Variants in ARFGEF1 observed in about 807,000 individuals in gnomAD.
ARFGEF1 encodes the protein brefeldin A-inhibited guanine nucleotide-exchange protein 1.
Under a neutral mutation model 231.0 loss-of-function variants are expected in ARFGEF1, and 42 were observed. That is an observed-to-expected ratio of 0.18 (90% CI 0.14 to 0.24). The LOEUF (loss-of-function observed/expected upper bound fraction) is 0.24, where lower values mean the gene tolerates loss of function less well. Among genes scored for constraint, ARFGEF1 ranks in the 10% least tolerant of loss-of-function variants. ARFGEF1 has a pLI of 1.00. For missense variants in ARFGEF1, 1,345 were observed against 2,192.0 expected, an observed-to-expected ratio of 0.61 and a Z score of 7.72; for synonymous variants, 710 against 732.3, an observed-to-expected ratio of 0.97 and a Z score of 0.49.
intron 1 of ARFGEF1, among the ~76,000 whole-genome samples, chr8:67,331,539 G>A (rs1256714438): frequency 6.6e-6 from 1 of 152,162 alleles, no homozygotes; most frequent in African/African-American, 2.4e-5. Flanking sequence ...AAAGAACTGT[G>A]AGAAATAAAT....
At chr8:67,343,088 A>ACCCC in intron 1 of ARFGEF1, 76 bp downstream of exon 1, 3 of 399,152 alleles carry the variant, frequency 7.5e-6, no homozygotes, top group Non-Finnish European at 1.4e-5. Context: ...GCCCCGGGCG[A>ACCCC]CCCCACCCCC....
At chr8:67,261,704 C>A (rs1385568684) in intron 14 of ARFGEF1, among the ~76,000 whole-genome samples, 1 of 152,198 alleles carries the variant, frequency 6.6e-6, no homozygotes, top group Non-Finnish European at 1.5e-5. Flanking sequence ...TGCAGTCTCA[C>A]TATGCTGTCC....
chr8:67,213,832 C>G (rs542043500), intron 33 of ARFGEF1, among the ~76,000 whole-genome samples: 1 of 152,352 alleles, frequency 6.6e-6, no homozygotes, highest in East Asian at 1.9e-4. Flanking sequence ...AGCCTGCCTG[C>G]CTGCCCTACA....
At chr8:67,180,957 T>C (rs1004778976) in intron 5 of ARFGEF1, among the ~76,000 whole-genome samples, 4 of 152,112 alleles carry the variant, frequency 2.6e-5, no homozygotes, top group African/African-American at 9.7e-5. Flanking sequence ...TACATATTAG[T>C]TGTATTTCAG....
intron 29 of ARFGEF1, among the ~76,000 whole-genome samples, chr8:67,222,595 T>G (rs1330712086): frequency 1.3e-5 from 2 of 152,030 alleles, no homozygotes; most frequent in African/African-American, 4.8e-5. Flanking sequence ...CGATTACAGG[T>G]GCGCACCACC....
rs1255969731 is a variant in ARFGEF1, at chr8:67,244,262, A to C, written c.2851-3972T>G. Among the ~76,000 whole-genome samples the C allele has an allele frequency of 2.7e-3, 68 of 25,632 alleles. 14 individuals carry two copies. Among genetic ancestry groups the C allele is most frequent in the Non-Finnish European group, 4.2e-3 (60 of 14,196 alleles). The allele number at this position is 25,632 out of a possible 152,430, so 16.8% of individuals were successfully genotyped here. On this transcript the variant is annotated intron_variant, in intron 19 of 38. Coordinates refer to ENST00000262215, the MANE Select transcript of ARFGEF1 (RefSeq NM_006421.5). The stretch of plus-strand genomic sequence containing the variant: ...CACCTCAAAAAAAAAAAAAAAAAAA[A>C]AAAAAACATTCGACTACTGAGTCTC...
At chr8:67,302,905 T>TAAAAAAAAAAAAAAAAAAA (rs1563902346) in intron 1 of ARFGEF1, among the ~76,000 whole-genome samples, 3 of 100,234 alleles carry the variant, frequency 3.0e-5, no homozygotes, top group Admixed American at 1.1e-4. Flanking sequence ...ACCCCATCTC[T>TAAAAAAAAAAAAAAAAAAA]TAAAAAAAAA....
intron 1 of ARFGEF1, among the ~76,000 whole-genome samples, chr8:67,337,666 C>T (rs1252824738): frequency 1.3e-5 from 2 of 152,108 alleles, no homozygotes; most frequent in East Asian, 3.8e-4. Flanking sequence ...CTATTTCATC[C>T]AAGTATCTGA....
intron 34 of ARFGEF1, among the ~76,000 whole-genome samples, chr8:67,208,541 A>T (rs997761651): frequency 6.6e-6 from 1 of 151,064 alleles, no homozygotes; most frequent in Admixed American, 6.6e-5. Flanking sequence ...GAGGCAGGAG[A>T]ATCGCTTGAA....
At position 67,265,938 on chromosome 8, in the gene ARFGEF1, CG is replaced by C. The variant is rs745917421; in HGVS notation, c.2123+67del. ...TACTCATTATAAGGTGATAAACCCACGGCAGGGGTGGCACTATACTGGCAGA... is the reference window on the plus strand; with the variant it reads ...TACTCATTATAAGGTGATAAACCCACGCAGGGGTGGCACTATACTGGCAGA... On this transcript the variant is annotated intron_variant, in intron 14 of 38. Coordinates refer to ENST00000262215, the MANE Select transcript of ARFGEF1 (RefSeq NM_006421.5). The C allele has an allele frequency of 1.9e-4, 278 of 1,467,688 alleles. 4 individuals carry two copies. The South Asian group carries it at 2.8e-3, about 15-fold the overall frequency. 90.9% of individuals were successfully genotyped at this position (1,467,688 alleles called of 1,614,324 possible). A position where few individuals can be genotyped will look rare whatever the true frequency, so the allele number is the denominator to read the frequency against.
intron 38 of ARFGEF1, 181 bp downstream of exon 38, chr8:67,200,215 G>GGA: frequency 1.5e-6 from 1 of 663,158 alleles, no homozygotes; most frequent in South Asian, 1.5e-5. Flanking sequence ...GGGTAAGGGG[G>GGA]GAGAAAAGCA....
downstream of ARFGEF1, chr8:67,175,191 C>T: frequency 2.5e-6 from 2 of 804,372 alleles, no homozygotes; most frequent in Non-Finnish European, 4.1e-6. Context: ...CTATCATTTC[C>T]TTGATTTTGA....
chr8:67,333,852 A>G (rs1481978365), intron 1 of ARFGEF1, among the ~76,000 whole-genome samples: 1 of 152,180 alleles, frequency 6.6e-6, no homozygotes. Flanking sequence ...ACAACAGTGC[A>G]TAAGACCAGG....
At position 67,240,270 on chromosome 8, in the gene ARFGEF1, C is replaced by T. The variant is rs779350848; in HGVS notation, c.2871G>A (p.Leu957=). ...CTTGTAGACCCACACTGAATGCAGC[C>T]AGAAAAGGCGTCCAAGCCAACTACA... is the stretch of plus-strand genomic sequence containing the variant. ...PMFKLAWTPF[L]AAFSVGLQDC... Residue 957 remains leucine (L), a synonymous_variant, in exon 20 of 39, where the codon CTG becomes CTA. Transcript: ENST00000262215. 5 of 1,603,354 alleles carry T rather than the reference C, an allele frequency of 3.1e-6. No individual in the cohort carries two copies. The South Asian group carries it at 5.7e-5, about 18-fold the overall frequency.
intron 28 of ARFGEF1, among the ~76,000 whole-genome samples, chr8:67,225,309 G>A (rs912388084): frequency 1.3e-5 from 2 of 152,114 alleles, no homozygotes; most frequent in African/African-American, 4.8e-5. Flanking sequence ...TATTAGCCAG[G>A]TTAATTCAGG....
chr8:67,260,106 T>C (rs1423641156), intron 14 of ARFGEF1, among the ~76,000 whole-genome samples, 180 bp from the exon 15 acceptor site: 1 of 152,236 alleles, frequency 6.6e-6, no homozygotes, highest in African/African-American at 2.4e-5. Context: ...CTTTTCTTTT[T>C]AGAAATAAGT....
intron 9 of ARFGEF1, among the ~76,000 whole-genome samples, chr8:67,273,419 C>CA (rs58580002): frequency 0.061 from 3,428 of 56,318 alleles, 57 homozygotes; most frequent in South Asian, 0.081. Context: ...TTTTTTTTCC[C>CA]AAAAAAAAAA....
chr8:67,251,448 C>A lies in ARFGEF1; in HGVS notation c.2701G>T (p.Val901Leu). ...AGTCTTCTTTGTTTTTCACTGGCTACATCTGAAACAATAAACACTATCAGC... is the reference window on the plus strand; with the variant it reads ...AGTCTTCTTTGTTTTTCACTGGCTAAATCTGAAACAATAAACACTATCAGC... ...TIPTKSSKQN[V>L]ASEKQRRLLY... Residue 901 changes from valine (V) to leucine (L), a missense_variant and splice_region_variant, in exon 19 of 39, where the codon GTA (valine) becomes TTA (leucine). This residue lies in a region of ARFGEF1 where 23 missense variants were observed against 21.6 expected (regional missense o/e 1.07). Transcript: ENST00000262215. The A allele has an allele frequency of 6.3e-7, 1 of 1,595,670 alleles. No individual in the cohort carries two copies. Among genetic ancestry groups the A allele is most frequent in the Non-Finnish European group, 8.5e-7 (1 of 1,172,922 alleles).
intron 1 of ARFGEF1, among the ~76,000 whole-genome samples, chr8:67,313,186 A>T (rs1807150578): frequency 6.6e-6 from 1 of 152,190 alleles, no homozygotes; most frequent in African/African-American, 2.4e-5. Flanking sequence ...ACTTGAGCCC[A>T]GGAGTTCATT....
Sources: gnomAD v4.1 joint callset for allele counts (sites outside exome capture counted in the v4.1 genomes callset) on GRCh38, gnomAD v4.1.1 for gene constraint, gnomAD v4.1.1 regional missense constraint, MANE v1.5 for transcripts, NCBI Gene and HGNC (gene_info 2026-07-23, HGNC 2026-07-21) for gene names.